Variants in HPS5 observed in about 807,000 individuals in gnomAD.
HPS5 encodes BLOC-2 complex member HPS5.
Under a neutral mutation model 128.0 loss-of-function variants are expected in HPS5, and 83 were observed. The ratio of observed to expected loss-of-function variants is 0.65; its 90% CI spans 0.54 to 0.78. The LOEUF is 0.78. Among genes scored for constraint, HPS5 ranks in the 30% least tolerant of loss-of-function variants. The probability of loss-of-function intolerance (pLI) is 0.00; values close to 1 mark genes in which losing one functional copy is unlikely to be tolerated. For synonymous variants in HPS5, 475 were observed against 470.2 expected (o/e 1.01, Z -0.13); for missense variants, 1,281 against 1,326.2 (o/e 0.97, Z 0.53).
intron 11 of HPS5, 53 bp downstream of exon 11, chr11:18,297,506 C>G: frequency 1.9e-6 from 3 of 1,550,234 alleles, no homozygotes; most frequent in Non-Finnish European, 2.7e-6. Context: ...TAAGAACAAC[C>G]GAAGATGGAA....
In HPS5 at chr11:18,313,327, C is replaced by T. The variant is rs182534567; in HGVS notation, c.109-1303G>A. ...ATGCACCCACTCTCTGCACCCACGC[C>T]TGGGGGCAATTGTTTAAAGTAATTT... is the stretch of plus-strand genomic sequence containing the variant. On this transcript the variant is annotated intron_variant, in intron 2 of 22. Coordinates refer to ENST00000349215, the MANE Select transcript of HPS5 (RefSeq NM_181507.2). 8.8e-4 allele frequency among the ~76,000 whole-genome samples: 134 copies of T among 152,376 alleles called. 1 individual carries two copies. Among genetic ancestry groups the T allele is most frequent in the Admixed American group, 8.4e-3 (128 of 15,312 alleles).
In HPS5 at chr11:18,296,962, G is replaced by A; in HGVS notation, c.1346C>T (p.Ser449Phe). Residue 449 changes from serine to phenylalanine, a missense_variant, in exon 12 of 23, where the codon TCT (serine) becomes TTT (phenylalanine). By Grantham distance (155) the Ser-to-Phe change is radical. Transcript: ENST00000349215. ...SSHESFSILD[S>F]GIYRIISSRR... is the part of the protein sequence containing the mutation. ...ACTACTAATGATACGATAAATACCA[G>A]AGTCCAAGATGCTGAAACTTTCCTA... The A allele has an allele frequency of 1.3e-6, 2 of 1,598,114 alleles. No individual in the cohort carries two copies. Among genetic ancestry groups the A allele is most frequent in the Non-Finnish European group, 1.7e-6 (2 of 1,168,576 alleles).
chr11:18,311,515 T>TTA (rs1863006173), intron 3 of HPS5, 64 bp from the exon 4 acceptor site: 21 of 723,478 alleles, frequency 2.9e-5, no homozygotes, highest in Middle Eastern at 9.7e-4. Flanking sequence ...ATTATTATTT[T>TTA]TTTTTTTTTT....
chr11:18,314,130 G>A (rs1863329615), intron 2 of HPS5, among the ~76,000 whole-genome samples: 1 of 152,134 alleles, frequency 6.6e-6, no homozygotes, highest in African/African-American at 2.4e-5. Context: ...CAAGAAGACT[G>A]CCTGACGCCA....
At chr11:18,296,530 G>C (rs1169337664) in intron 12 of HPS5, 5 of 595,572 alleles carry the variant, frequency 8.4e-6, no homozygotes, top group African/African-American at 7.4e-5. Flanking sequence ...TTTGGTTAAT[G>C]ACCTTTCTTT....
intron 1 of HPS5, among the ~76,000 whole-genome samples, chr11:18,319,268 CA>C (rs1225053003): frequency 1.3e-5 from 2 of 149,230 alleles, no homozygotes; most frequent in Non-Finnish European, 3.0e-5. Flanking sequence ...CACACACACA[CA>C]CACACACACA....
chr11:18,306,083 C>T (rs1018130196), intron 7 of HPS5, 52 bp downstream of exon 7: 23 of 1,246,648 alleles, frequency 1.8e-5, no homozygotes, highest in East Asian at 9.3e-5. Flanking sequence ...TTTCACCGAA[C>T]CTCTATATAG....
At chr11:18,319,255 CCACACACACACACACACA>C (rs10531816) in intron 1 of HPS5, among the ~76,000 whole-genome samples, 8 of 139,218 alleles carry the variant, frequency 5.7e-5, no homozygotes, top group South Asian at 2.3e-4. Flanking sequence ...AAGACAAATA[CCACACACACACACACACA>C]CACACACACA....
chr11:18,315,315 A>T (rs1373839316), intron 2 of HPS5, among the ~76,000 whole-genome samples: 2 of 152,204 alleles, frequency 1.3e-5, no homozygotes, highest in African/African-American at 4.8e-5. Flanking sequence ...TCTGACCAAG[A>T]AAGCTTCTTT....
Position 18,279,928 on chromosome 11 carries a change from C to A in HPS5, c.3344G>T (p.Ser1115Ile). 6.2e-7 allele frequency: 1 copy of A among 1,614,134 alleles called. No individual in the cohort carries two copies. Among genetic ancestry groups the A allele is most frequent in the East Asian group, 2.2e-5 (1 of 44,888 alleles). The change falls in exon 23 of 23, where the codon AGC becomes ATC. Residue 1115 changes from serine to isoleucine, a missense_variant. Transcript: ENST00000349215. ...AAACCGATCGCATTTTTCAAGCATG[C>A]TTTGTATCAAGGCCCTGAAATCCCA... ...AEKRQRALIQ[S>I]MLEKCDRFLW... is the part of the protein sequence containing the mutation.
intron 1 of HPS5, among the ~76,000 whole-genome samples, chr11:18,321,263 T>C (rs1370724728): frequency 6.6e-6 from 1 of 152,254 alleles, no homozygotes; most frequent in African/African-American, 2.4e-5. Context: ...AACCTCTCTA[T>C]TCTCCAACTA....
At chr11:18,304,796 G>A (rs1262283541) in intron 8 of HPS5, among the ~76,000 whole-genome samples, 1 of 152,152 alleles carries the variant, frequency 6.6e-6, no homozygotes, top group African/African-American at 2.4e-5. Flanking sequence ...CAAGATATTG[G>A]CTGGAAATCA....
intron 2 of HPS5, among the ~76,000 whole-genome samples, chr11:18,312,402 T>C (rs1198959319): frequency 6.6e-6 from 1 of 152,182 alleles, no homozygotes; most frequent in Non-Finnish European, 1.5e-5. Flanking sequence ...GGTTAAATAT[T>C]CGTTCATTTA....
rs767199834 is a variant in HPS5 at position 18,285,342 on chromosome 11, T to C, written c.2951+4A>G. The stretch of plus-strand genomic sequence containing the variant: ...ACTTCAGTTTCTAAAAAATTCTCAC[T>C]TACCCACAAGACCTGCAGATGTCTG... On this transcript the variant is annotated splice_donor_region_variant and intron_variant, in intron 20 of 22. Transcript: ENST00000349215. 6.3e-7 allele frequency: 1 copy of C among 1,587,886 alleles called. No homozygotes were observed. The highest frequency in any genetic ancestry group is 8.6e-7 in the Non-Finnish European group (1 of 1,156,496).
intron 10 of HPS5, 96 bp from the exon 11 acceptor site, chr11:18,297,813 C>T: frequency 8.3e-7 from 1 of 1,206,734 alleles, no homozygotes; most frequent in Admixed American, 1.7e-5. Context: ...GGCACGGTGG[C>T]TCACGCCTGT....
At chr11:18,300,094 G>C (rs1342830044) in intron 9 of HPS5, among the ~76,000 whole-genome samples, 1 of 152,108 alleles carries the variant, frequency 6.6e-6, no homozygotes, top group Non-Finnish European at 1.5e-5. Flanking sequence ...TAATAATAAT[G>C]TCTGTTTTCA....
intron 5 of HPS5, among the ~76,000 whole-genome samples, chr11:18,309,888 G>A (rs1862775124): frequency 6.6e-6 from 1 of 152,160 alleles, no homozygotes; most frequent in African/African-American, 2.4e-5. Context: ...AGTAGTCCCA[G>A]CTACTCAGGA....
rs117390974 is a variant in HPS5 at position 18,307,578 on chromosome 11, T to C, written c.612-1231A>G. ...AATTCATTATCATTTGTATACTCAT[T>C]AATCTTACTTTCTATTATTTTTCAA... On this transcript the variant is annotated intron_variant, in intron 6 of 22. Coordinates refer to ENST00000349215, the MANE Select transcript of HPS5 (RefSeq NM_181507.2). 3.3e-5 allele frequency among the ~76,000 whole-genome samples: 5 copies of C among 152,298 alleles called. No individual in the cohort carries two copies. In the East Asian group the frequency reaches 9.6e-4, roughly 29 times the overall value.
rs375091608 is a variant in HPS5, at chr11:18,279,841, T to G, written c.*41A>C. The G allele has an allele frequency of 1.4e-5, 22 of 1,588,106 alleles. No individual in the cohort carries two copies. In the African/African-American group the frequency reaches 2.8e-4, roughly 20 times the overall value. On this transcript the variant is annotated 3_prime_UTR_variant, in exon 23 of 23. Transcript: ENST00000349215. ...AGAAGGTTCAGGAGCATGATTTAGT[T>G]TTTCTCAAAATGTCATGACATCCTG...
Sources: allele counts gnomAD v4.1 joint callset (sites outside exome capture counted in the v4.1 genomes callset), GRCh38; gene constraint gnomAD v4.1.1; transcripts MANE v1.5; gene names NCBI Gene and HGNC (gene_info 2026-07-23, HGNC 2026-07-21).